The following ASRGL1 variants were observed in gnomAD, a reference collection of about 807,000 sequenced individuals.
ASRGL1 encodes isoaspartyl peptidase/L-asparaginase.
In ASRGL1, 16 loss-of-function variants were observed where a neutral mutation model predicts 22.4. The observed-to-expected ratio is 0.71, with a 90% CI of 0.48 to 1.08. The LOEUF (loss-of-function observed/expected upper bound fraction) is 1.08, where lower values mean the gene tolerates loss of function less well. Ranked by LOEUF, ASRGL1 falls within the 50% of genes least tolerant of loss-of-function variation. The pLI, the probability that ASRGL1 is intolerant of heterozygous loss-of-function variation, is 0.00. For synonymous variants in ASRGL1, 165 were observed against 159.3 expected, an observed-to-expected ratio of 1.04 and a Z score of -0.27; for missense variants, 412 against 410.1, an observed-to-expected ratio of 1.00 and a Z score of -0.04.
At position 62,346,978 on chromosome 11, in the gene ASRGL1, A is replaced by G. The variant is rs949736717; in HGVS notation, c.190+8811A>G. Among the ~76,000 whole-genome samples the G allele has an allele frequency of 8.8e-3, 1,336 of 152,292 alleles. 5 individuals carry two copies. The highest frequency in any genetic ancestry group is 0.012 in the Non-Finnish European group (840 of 68,010). ...AGTGAGACTCCGTCTCAAAAAAAAA[A>G]AAAAAGAAAAATAACGTCTGACAAG... On this transcript the variant is annotated intron_variant, in intron 2 of 6. Transcript: ENST00000415229.
chr11:62,356,468 G>T lies in ASRGL1; in HGVS notation c.333+1G>T. On this transcript the variant is annotated splice_donor_variant, in intron 3 of 6. Coordinates refer to ENST00000415229, the MANE Select transcript of ASRGL1 (RefSeq NM_001083926.2). LOFTEE classifies it high-confidence loss of function. ...ACTTGCTCGGCTTGTCATGGAAAAG[G>T]TATATGTGACTAAAGCAGCCTTTTC... 3 of 1,614,114 alleles carry T rather than the reference G, an allele frequency of 1.9e-6. No homozygotes were observed. The highest frequency in any genetic ancestry group is 2.5e-6 in the Non-Finnish European group (3 of 1,179,986).
chr11:62,378,435 C>T (rs1240113755), intron 4 of ASRGL1, among the ~76,000 whole-genome samples: 6 of 151,590 alleles, frequency 4.0e-5, no homozygotes, highest in Admixed American at 6.6e-5. Flanking sequence ...TAAGCATTCC[C>T]TGAGGTAACA....
chr11:62,385,886 G>A (rs1351470178), intron 4 of ASRGL1, among the ~76,000 whole-genome samples: 7 of 150,862 alleles, frequency 4.6e-5, no homozygotes, highest in South Asian at 4.2e-4. Context: ...AAAATAGGCC[G>A]GGTGCAGTGG....
chr11:62,371,151 G>C, intron 4 of ASRGL1: 1 of 1,129,086 alleles, frequency 8.9e-7, no homozygotes. Context: ...GGAAGAAGGC[G>C]GCGGTGGCGG....
intron 4 of ASRGL1, among the ~76,000 whole-genome samples, chr11:62,368,610 C>T (rs1032432472): frequency 2.0e-5 from 3 of 152,054 alleles, no homozygotes; most frequent in Admixed American, 6.6e-5. Context: ...AGGGGACCGG[C>T]GCTCAGCGTA....
intron 5 of ASRGL1, 53 bp downstream of exon 5, chr11:62,389,304 T>G: frequency 6.7e-7 from 1 of 1,485,198 alleles, no homozygotes; most frequent in South Asian, 1.1e-5. Context: ...GCCCTCAGGC[T>G]TTCCTCACTC....
intron 4 of ASRGL1, among the ~76,000 whole-genome samples, chr11:62,367,751 G>C (rs1946650564): frequency 1.3e-5 from 2 of 151,814 alleles, no homozygotes; most frequent in African/African-American, 4.8e-5. Flanking sequence ...AGACCAGCCT[G>C]GCCAACATAG....
intron 2 of ASRGL1, among the ~76,000 whole-genome samples, chr11:62,344,687 G>A (rs1053760852): frequency 1.3e-5 from 2 of 151,854 alleles, no homozygotes; most frequent in African/African-American, 2.4e-5. Flanking sequence ...ATAATAATCA[G>A]GGTAAATGGG....
At chr11:62,341,444 C>G (rs950617174) in intron 2 of ASRGL1, among the ~76,000 whole-genome samples, 3 of 152,086 alleles carry the variant, frequency 2.0e-5, no homozygotes, top group African/African-American at 7.2e-5. Flanking sequence ...CATGATCCGC[C>G]CACCTCAGCC....
At chr11:62,395,466 C>G (rs1947421238), downstream of ASRGL1, among the ~76,000 whole-genome samples, 1 of 152,080 alleles carries the variant, frequency 6.6e-6, no homozygotes, top group South Asian at 2.1e-4. Flanking sequence ...GAGAAGAGTC[C>G]TGGGTAAGGA....
intron 4 of ASRGL1, among the ~76,000 whole-genome samples, chr11:62,357,416 ATT>A (rs1342638247): frequency 0.27 from 26,733 of 99,718 alleles, 3,414 homozygotes; most frequent in Middle Eastern, 0.41. Flanking sequence ...CACCCGGCTC[ATT>A]TTTTTTTTTT....
chr11:62,369,900 A>G (rs1048123062), intron 4 of ASRGL1, among the ~76,000 whole-genome samples: 1 of 152,106 alleles, frequency 6.6e-6, no homozygotes, highest in Non-Finnish European at 1.5e-5. Context: ...CTTCCATCCA[A>G]ATGACAGTTT....
downstream of ASRGL1, among the ~76,000 whole-genome samples, chr11:62,398,059 C>T (rs1033258340): frequency 6.6e-6 from 1 of 151,984 alleles, no homozygotes; most frequent in Non-Finnish European, 1.5e-5. Flanking sequence ...CCACCACAGG[C>T]GCTGGGGGCC....
chr11:62,362,318 A>G (rs1172356487), intron 4 of ASRGL1, among the ~76,000 whole-genome samples: 1 of 150,748 alleles, frequency 6.6e-6, no homozygotes, highest in Non-Finnish European at 1.5e-5. Context: ...GAATTTAGAT[A>G]AGAAGAATTC....
intron 4 of ASRGL1, among the ~76,000 whole-genome samples, chr11:62,379,894 A>G (rs1947020874): frequency 6.6e-6 from 1 of 151,934 alleles, no homozygotes; most frequent in South Asian, 2.1e-4. Context: ...ATAGTTGCCC[A>G]TTTCTATCAA....
At chr11:62,388,770 T>C (rs1360807418) in intron 4 of ASRGL1, among the ~76,000 whole-genome samples, 1 of 151,560 alleles carries the variant, frequency 6.6e-6, no homozygotes, top group East Asian at 1.9e-4. Flanking sequence ...CTTCAGAGTC[T>C]CTGTGGGCCC....
chr11:62,383,463 C>T (rs1947122478), intron 4 of ASRGL1, among the ~76,000 whole-genome samples: 1 of 150,744 alleles, frequency 6.6e-6, no homozygotes, highest in Admixed American at 6.6e-5. Flanking sequence ...ATTAGCCGGG[C>T]GTAGTGGCGG....
chr11:62,368,613 T>C (rs1380590298), intron 4 of ASRGL1, among the ~76,000 whole-genome samples: 1 of 152,044 alleles, frequency 6.6e-6, no homozygotes, highest in Non-Finnish European at 1.5e-5. Flanking sequence ...GGACCGGCGC[T>C]CAGCGTACGG....
At chr11:62,379,548 A>C (rs1445185598) in intron 4 of ASRGL1, among the ~76,000 whole-genome samples, 1 of 152,162 alleles carries the variant, frequency 6.6e-6, no homozygotes, top group African/African-American at 2.4e-5. Context: ...AATCAACCAC[A>C]CCAGTATGAA....
Sources: allele counts gnomAD v4.1 joint callset (sites outside exome capture counted in the v4.1 genomes callset), GRCh38; gene constraint gnomAD v4.1.1; transcripts MANE v1.5; gene names NCBI Gene and HGNC (gene_info 2026-07-23, HGNC 2026-07-21).